The following SLC26A3 variants were observed in gnomAD, a reference collection of about 807,000 sequenced individuals.
The protein encoded by SLC26A3 is solute carrier family 26 member 3, also known as chloride anion exchanger.
A neutral mutation model predicts 85.6 loss-of-function variants in SLC26A3; 64 were observed. That is an observed-to-expected ratio of 0.75 (90% CI 0.61 to 0.92). SLC26A3 has a LOEUF of 0.92. Among genes scored for constraint, SLC26A3 ranks in the 40% least tolerant of loss-of-function variants. The pLI is 0.00. For synonymous variants in SLC26A3, 349 were observed against 336.0 expected (o/e 1.04, Z -0.42); for missense variants, 922 against 927.3 (o/e 0.99, Z 0.07).
At chr7:107,769,949 T>C (rs1044701649) in intron 18 of SLC26A3, among the ~76,000 whole-genome samples, 3 of 151,958 alleles carry the variant, frequency 2.0e-5, no homozygotes, top group East Asian at 1.9e-4. Context: ...ACATCCCTGA[T>C]CACCAGTTTT....
Position 107,783,060 on chromosome 7 carries a change from A to T in SLC26A3, c.1153T>A (p.Cys385Ser). The T allele has an allele frequency of 6.2e-7, 1 of 1,614,222 alleles. No homozygotes were observed. The highest frequency in any genetic ancestry group is 8.5e-7 in the Non-Finnish European group (1 of 1,180,030). ...LIALGLGNIVCGVFRGFAGST... is the reference protein window; with the variant it reads ...LIALGLGNIVSGVFRGFAGST... ...CCAGCAAATCCTCTGAATACTCCAC[A>T]GACTATGTTACCCAGTCCCAAGGCT... Residue 385 changes from cysteine to serine, a missense_variant, in exon 10 of 21, where the codon TGT (cysteine) becomes AGT (serine). Cys to Ser is a moderately radical substitution (Grantham distance 112, BLOSUM62 -1). Transcript: ENST00000340010.
At chr7:107,771,040 G>A (rs1390954311) in intron 18 of SLC26A3, among the ~76,000 whole-genome samples, 1 of 152,138 alleles carries the variant, frequency 6.6e-6, no homozygotes, top group African/African-American at 2.4e-5. Context: ...CCTTCTAGAA[G>A]GCCTAGTTGA....
In SLC26A3 at chr7:107,776,560, G is replaced by C. The variant is rs767163572; in HGVS notation, c.1585-16C>G. 14 of 1,610,986 alleles carry C rather than the reference G, an allele frequency of 8.7e-6. No individual in the cohort carries two copies. The highest frequency in any genetic ancestry group is 1.0e-5 in the Non-Finnish European group (12 of 1,177,096). On this transcript the variant is annotated splice_polypyrimidine_tract_variant and intron_variant, in intron 14 of 20. Transcript: ENST00000340010. Reference sequence around the variant, plus strand: ...GCTCATACATCTGTAAGGCAGAGAAGCATTGTTAGGTGTTGCCCATTAGAT... The same window carrying C: ...GCTCATACATCTGTAAGGCAGAGAACCATTGTTAGGTGTTGCCCATTAGAT...
chr7:107,791,923 G>C lies in SLC26A3; in HGVS notation c.289C>G (p.Leu97Val). The change falls in exon 4 of 21, where the codon CTG (leucine) becomes GTG (valine). Residue 97 changes from leucine (L) to valine (V), a missense_variant. Leu to Val is a conservative substitution (Grantham distance 32). Coordinates refer to ENST00000340010, the MANE Select transcript of SLC26A3 (RefSeq NM_000111.3). The stretch of plus-strand genomic sequence containing the variant: ...CCATAGACTGGGGGAATGTCGACCA[G>C]CAGAGCAAATGCTAAACCTGTAAAC... ...AVLQGLAFALLVDIPPVYGLY... is the reference protein window; with the variant it reads ...AVLQGLAFALVVDIPPVYGLY... The C allele has an allele frequency of 1.2e-6, 2 of 1,611,530 alleles. No homozygotes were observed. Among genetic ancestry groups the C allele is most frequent in the Non-Finnish European group, 1.7e-6 (2 of 1,177,696 alleles).
chr7:107,773,929 G>T lies in SLC26A3; in HGVS notation c.1998C>A (p.Gly666=). 1.2e-6 allele frequency: 2 copies of T among 1,611,380 alleles called. No individual in the cohort carries two copies. The highest frequency in any genetic ancestry group is 1.7e-6 in the Non-Finnish European group (2 of 1,177,620). ...VSFLDVSSVR[G]LKSILQEFIR... ...AGAACAAAGAAATTACCGATTTAAG[G>T]CCCCTCACTGAAGAAACATCAAGAA... The change falls in exon 17 of 21, where the codon GGC becomes GGA. Residue 666 remains glycine, a synonymous_variant. Coordinates refer to ENST00000340010, the MANE Select transcript of SLC26A3 (RefSeq NM_000111.3).
In SLC26A3 at chr7:107,793,640, T is replaced by C; in HGVS notation, c.271+102A>G. The stretch of plus-strand genomic sequence containing the variant: ...AAAATGTTCCAGAATTAGATAGTGG[T>C]GACAGATGCACAACCTAGTGAATAT... On this transcript the variant is annotated intron_variant, in intron 3 of 20. Transcript: ENST00000340010. 6.9e-6 allele frequency: 6 copies of C among 870,538 alleles called. No homozygotes were observed. In the South Asian group the frequency reaches 9.5e-5, roughly 14 times the overall value. The allele number at this position is 870,538 out of a possible 1,614,324, so 53.9% of individuals were successfully genotyped here.
intron 20 of SLC26A3, among the ~76,000 whole-genome samples, chr7:107,766,513 C>T (rs747301303): frequency 1.5e-4 from 23 of 152,222 alleles, no homozygotes; most frequent in African/African-American, 5.1e-4. Flanking sequence ...TATGTACATT[C>T]GCCTCTTACC....
chr7:107,801,703 G>T (rs924958161), intron 1 of SLC26A3, among the ~76,000 whole-genome samples: 2 of 152,106 alleles, frequency 1.3e-5, no homozygotes, highest in African/African-American at 2.4e-5. Context: ...CCCTTATCCA[G>T]AGGGAGAAGG....
chr7:107,797,145 A>G (rs1314898260), intron 1 of SLC26A3, among the ~76,000 whole-genome samples: 2 of 152,080 alleles, frequency 1.3e-5, no homozygotes, highest in Non-Finnish European at 2.9e-5. Context: ...CCTCCTCCTC[A>G]TACCCAAGCA....
At chr7:107,773,785 A>G in intron 17 of SLC26A3, 135 bp downstream of exon 17, 1 of 733,854 alleles carries the variant, frequency 1.4e-6, no homozygotes. Flanking sequence ...TCCTGACCTC[A>G]GGTGATCCAC....
chr7:107,779,793 T>C (rs367613263), intron 11 of SLC26A3, 30 bp from the exon 12 acceptor site: 162 of 1,572,574 alleles, frequency 1.0e-4, no homozygotes, highest in Non-Finnish European at 1.3e-4. Context: ...CAGATGTACT[T>C]TAAGTTAATG....
At chr7:107,788,500 T>G (rs1794335400) in intron 6 of SLC26A3, among the ~76,000 whole-genome samples, 2 of 152,140 alleles carry the variant, frequency 1.3e-5, no homozygotes, top group African/African-American at 4.8e-5. Context: ...AGACATGCTT[T>G]TCAAGAAACA....
chr7:107,781,072 G>A (rs758555633), intron 11 of SLC26A3, among the ~76,000 whole-genome samples: 5 of 151,794 alleles, frequency 3.3e-5, no homozygotes, highest in East Asian at 3.9e-4. Context: ...AGTATTCTAC[G>A]GAAAAACAAT....
chr7:107,768,723 C>G (rs1349967073), intron 18 of SLC26A3, among the ~76,000 whole-genome samples: 1 of 152,036 alleles, frequency 6.6e-6, no homozygotes, highest in Non-Finnish European at 1.5e-5. Flanking sequence ...AGATCATGTA[C>G]TATGAAAATT....
At chr7:107,770,861 T>C (rs1794018180) in intron 18 of SLC26A3, among the ~76,000 whole-genome samples, 1 of 152,202 alleles carries the variant, frequency 6.6e-6, no homozygotes, top group Admixed American at 6.5e-5. Flanking sequence ...TGCAAAATTA[T>C]GTGATACGTG....
At position 107,794,381 on chromosome 7, in the gene SLC26A3, A is replaced by G. The variant is rs199700484; in HGVS notation, c.129T>C (p.Cys43=). 1 of 1,613,934 alleles carries G rather than the reference A, an allele frequency of 6.2e-7. No homozygotes were observed. Among genetic ancestry groups the G allele is most frequent in the East Asian group, 2.2e-5 (1 of 44,876 alleles). Residue 43 remains cysteine, a splice_region_variant and synonymous_variant, in exon 2 of 21, where the codon TGT becomes TGC. Coordinates refer to ENST00000340010, the MANE Select transcript of SLC26A3 (RefSeq NM_000111.3). The stretch of plus-strand genomic sequence containing the variant: ...CAATACCTTAAAAAATATCTTACCT[A>G]CAACACACTTTGAGATGATCCAGAA... ...KTFLDHLKVC[C]SCSPQKAKRI...
chr7:107,790,946 G>C (rs1295746849), intron 5 of SLC26A3, 102 bp downstream of exon 5: 2 of 1,250,306 alleles, frequency 1.6e-6, no homozygotes, highest in Admixed American at 2.0e-5. Context: ...ACAAACCAAA[G>C]GGAAGATGGG....
intron 18 of SLC26A3, among the ~76,000 whole-genome samples, chr7:107,770,031 TTTCTTTC>T (rs1416734579): frequency 1.1e-5 from 1 of 93,094 alleles, no homozygotes; most frequent in Non-Finnish European, 2.2e-5. Flanking sequence ...TCTTTCTTTC[TTTCTTTC>T]TTTCTTTCTT....
intron 16 of SLC26A3, 112 bp downstream of exon 16, chr7:107,774,665 A>C: frequency 1.2e-6 from 1 of 842,630 alleles, no homozygotes; most frequent in South Asian, 1.4e-5. Context: ...TCATTGACAC[A>C]TGAAATCCCT....
Sources: gnomAD v4.1 joint callset for allele counts (sites outside exome capture counted in the v4.1 genomes callset) on GRCh38, gnomAD v4.1.1 for gene constraint, MANE v1.5 for transcripts, NCBI Gene and HGNC (gene_info 2026-07-23, HGNC 2026-07-21) for gene names.